The following DNAJA1 variants were observed in gnomAD, a reference collection of about 807,000 sequenced individuals.
DNAJA1 encodes the protein DnaJ heat shock protein family (Hsp40) member A1, also known as dnaJ homolog subfamily A member 1.
Under a neutral mutation model 47.6 loss-of-function variants are expected in DNAJA1, and 26 were observed. The observed-to-expected ratio is 0.55, with a 90% confidence interval of 0.40 to 0.76. DNAJA1 has a LOEUF of 0.76. Among genes scored for constraint, DNAJA1 ranks in the 30% least tolerant of loss-of-function variants. DNAJA1 has a pLI of 0.00. For missense variants in DNAJA1, 315 were observed against 485.0 expected, an observed-to-expected ratio of 0.65 and a Z score of 3.29; for synonymous variants, 165 against 158.4, an observed-to-expected ratio of 1.04 and a Z score of -0.31.
intron 1 of DNAJA1, among the ~76,000 whole-genome samples, 178 bp from the exon 2 acceptor site, chr9:33,026,296 GT>G (rs1838846668): frequency 6.6e-6 from 1 of 152,196 alleles, no homozygotes; most frequent in Admixed American, 6.5e-5. Context: ...ATGATTATTT[GT>G]TTTGTCTGTT....
intron 8 of DNAJA1, 193 bp downstream of exon 8, chr9:33,037,308 T>C: frequency 5.5e-6 from 2 of 364,084 alleles, no homozygotes; most frequent in Non-Finnish European, 9.7e-6. Flanking sequence ...CCCTGTCTCT[T>C]TAAAAAAACA....
chr9:33,039,067 T>G lies in DNAJA1; in HGVS notation c.*164T>G. ...AGAATAAACGCAAATATAAAAGCTC[T>G]GATTTTGCCCTGTATGTATGATGAC... On this transcript the variant is annotated 3_prime_UTR_variant, in exon 9 of 9. Transcript: ENST00000330899. 1.4e-6 allele frequency: 1 copy of G among 706,646 alleles called. No homozygotes were observed. Among genetic ancestry groups the G allele is most frequent in the Non-Finnish European group, 2.3e-6 (1 of 435,290 alleles). The allele number at this position is 706,646 out of a possible 1,614,324, so 43.8% of individuals were successfully genotyped here. A position where few individuals can be genotyped will look rare whatever the true frequency, so the allele number is the denominator to read the frequency against.
rs201185136 is a variant in DNAJA1 at position 33,030,625 on chromosome 9, A to T, written c.601A>T (p.Ile201Leu). 2 of 1,613,936 alleles carry T rather than the reference A, an allele frequency of 1.2e-6. No individual in the cohort carries two copies. Among genetic ancestry groups the T allele is most frequent in the Admixed American group, 1.7e-5 (1 of 59,998 alleles). Reference protein sequence around the residue: ...DRCKSCNGRKIVREKKILEVH... With the variant: ...DRCKSCNGRKLVREKKILEVH... ...ATGTAAAAGCTGCAACGGAAGGAAG[A>T]TAGTTCGAGAGAAGAAAATTTTAGA... Residue 201 changes from isoleucine to leucine, a missense_variant, in exon 5 of 9, where the codon ATA becomes TTA. By Grantham distance (5) the Ile-to-Leu change is conservative. This residue lies in a region of DNAJA1 where 45 missense variants were observed against 93.3 expected (regional missense o/e 0.48). Coordinates refer to ENST00000330899, the MANE Select transcript of DNAJA1 (RefSeq NM_001539.4).
At chr9:33,034,154 T>C (rs2119390901) in intron 5 of DNAJA1, 62 bp from the exon 6 acceptor site, 2 of 1,181,036 alleles carry the variant, frequency 1.7e-6, no homozygotes, top group South Asian at 3.0e-5. Flanking sequence ...ATGTATAGAT[T>C]TTATGATTCT....
At position 33,026,575 on chromosome 9, in the gene DNAJA1, T is replaced by C; in HGVS notation, c.91T>C (p.Leu31=). The change falls in exon 2 of 9, where the codon TTG becomes CTG. Residue 31 remains leucine (L), a synonymous_variant. Coordinates refer to ENST00000330899, the MANE Select transcript of DNAJA1 (RefSeq NM_001539.4). ...GAAAAAGGCTTATAGGAAACTGGCT[T>C]TGAAGTACCATCCTGATAAGAACCC... is the stretch of plus-strand genomic sequence containing the variant. ...ELKKAYRKLA[L]KYHPDKNPNE... The C allele has an allele frequency of 6.2e-7, 1 of 1,611,510 alleles. No homozygotes were observed. Among genetic ancestry groups the C allele is most frequent in the South Asian group, 1.1e-5 (1 of 90,350 alleles).
Position 33,038,538 on chromosome 9 carries a change from C to A in DNAJA1, c.976-147C>A, listed in dbSNP as rs1213295475. ...AGTTCAGAGTGTGCTATGCACTGTG[C>A]CTTTTTAGAGCCTGTTCTAACCTGA... On this transcript the variant is annotated intron_variant, in intron 8 of 8. Transcript: ENST00000330899. The A allele has an allele frequency of 8.9e-6, 6 of 672,252 alleles. No homozygotes were observed. The Admixed American group carries it at 1.4e-4, about 16-fold the overall frequency. 41.6% of individuals were successfully genotyped at this position (672,252 alleles called of 1,614,324 possible).
intron 5 of DNAJA1, among the ~76,000 whole-genome samples, chr9:33,033,490 T>C (rs975067033): frequency 2.0e-5 from 3 of 151,728 alleles, no homozygotes; most frequent in Admixed American, 2.0e-4. Flanking sequence ...TTGAGCCCAG[T>C]AGTTCAAGAC....
rs1554679380 is a variant in DNAJA1 at position 33,039,549 on chromosome 9, A to ATATGTGAATTATAT, written c.*649_*650insGTGAATTATATTAT. ...TGCTGTGCCATTCATATATATATAC[A>ATATGTGAATTATAT]TATATATATATAATCTTGACCAGTC... On this transcript the variant is annotated 3_prime_UTR_variant, in exon 9 of 9. Transcript: ENST00000330899. The ATATGTGAATTATAT allele has an allele frequency of 7.2e-6, 1 of 138,730 alleles. No individual in the cohort carries two copies. Among genetic ancestry groups the ATATGTGAATTATAT allele is most frequent in the Non-Finnish European group, 1.6e-5 (1 of 61,924 alleles). 8.6% of individuals were successfully genotyped at this position (138,730 alleles called of 1,614,324 possible). A position where few individuals can be genotyped will look rare whatever the true frequency, so the allele number is the denominator to read the frequency against.
chr9:33,032,781 TACG>T (rs1421811958), intron 5 of DNAJA1, among the ~76,000 whole-genome samples: 1 of 152,170 alleles, frequency 6.6e-6, no homozygotes, highest in Non-Finnish European at 1.5e-5. Flanking sequence ...ATTTAAGAGG[TACG>T]TACTGAAGTA....
Position 33,039,555 on chromosome 9 carries a change from A to G in DNAJA1, c.*652A>G, listed in dbSNP as rs562122994. The G allele has an allele frequency of 7.0e-6, 1 of 143,788 alleles. No individual in the cohort carries two copies. The highest frequency in any genetic ancestry group is 2.1e-4 in the South Asian group (1 of 4,706). 8.9% of individuals were successfully genotyped at this position (143,788 alleles called of 1,614,324 possible). On this transcript the variant is annotated 3_prime_UTR_variant, in exon 9 of 9. Coordinates refer to ENST00000330899, the MANE Select transcript of DNAJA1 (RefSeq NM_001539.4). ...GCCATTCATATATATATACATATAT[A>G]TATATAATCTTGACCAGTCCTGGTC...
Position 33,026,840 on chromosome 9 carries a change from G to A in DNAJA1, c.160G>A (p.Val54Ile), listed in dbSNP as rs757089471. 5.6e-6 allele frequency: 9 copies of A among 1,613,948 alleles called. No homozygotes were observed. The Admixed American group carries it at 1.2e-4, about 21-fold the overall frequency. The change falls in exon 3 of 9, where the codon GTT becomes ATT. Residue 54 changes from valine to isoleucine, a missense_variant. This residue lies in a region of DNAJA1 where 100 missense variants were observed against 163.0 expected (regional missense o/e 0.61). Coordinates refer to ENST00000330899, the MANE Select transcript of DNAJA1 (RefSeq NM_001539.4). ...KFKQISQAYE[V>I]LSDAKKRELY... Reference sequence around the variant, plus strand: ...TAAACAGATTTCTCAAGCTTACGAAGTTCTCTCTGATGCAAAGAAAAGGGA... The same window carrying A: ...TAAACAGATTTCTCAAGCTTACGAAATTCTCTCTGATGCAAAGAAAAGGGA...
intron 5 of DNAJA1, among the ~76,000 whole-genome samples, chr9:33,031,189 C>T (rs1208635040): frequency 6.6e-5 from 10 of 152,168 alleles, no homozygotes; most frequent in African/African-American, 2.2e-4. Context: ...CTCTGCCTCC[C>T]GGGTTCAAGC....
intron 5 of DNAJA1, 96 bp downstream of exon 5, chr9:33,030,763 A>T (rs1351383525): frequency 3.8e-6 from 4 of 1,047,612 alleles, no homozygotes; most frequent in South Asian, 1.7e-5. Flanking sequence ...TAATTAGGTT[A>T]TATATGATCC....
At chr9:33,037,321 A>C (rs7048791) in intron 8 of DNAJA1, 10,529 of 340,868 alleles carry the variant, frequency 0.031, 247 homozygotes, top group African/African-American at 0.077. Flanking sequence ...AAAAAACAAA[A>C]AAAAAAAAAA....
intron 3 of DNAJA1, among the ~76,000 whole-genome samples, chr9:33,027,949 C>G (rs1331818755): frequency 2.1e-5 from 3 of 144,156 alleles, no homozygotes; most frequent in Non-Finnish European, 4.5e-5. Flanking sequence ...CGCTTGAACC[C>G]GGGAGGTGGA....
At chr9:33,028,378 C>CA (rs1324700754) in intron 3 of DNAJA1, among the ~76,000 whole-genome samples, 2 of 152,216 alleles carry the variant, frequency 1.3e-5, no homozygotes, top group Non-Finnish European at 2.9e-5. Flanking sequence ...AAATCAGTCT[C>CA]ACTTTATTTC....
Position 33,038,821 on chromosome 9 carries a change from A to G in DNAJA1, c.1112A>G (p.Glu371Gly). Residue 371 changes from glutamate (E) to glycine (G), a missense_variant, in exon 9 of 9, where the codon GAA (glutamate) becomes GGA (glycine). This residue lies in a region of DNAJA1 where 162 missense variants were observed against 185.4 expected (regional missense o/e 0.87). Transcript: ENST00000330899. ...VELVDFDPNQ[E>G]RRRHYNGEAY... ...CTGGTGGACTTTGATCCAAATCAGG[A>G]AAGACGGCGCCACTACAATGGAGAA... 6.2e-7 allele frequency: 1 copy of G among 1,614,150 alleles called. No individual in the cohort carries two copies.
At chr9:33,030,811 A>G (rs1838949121) in intron 5 of DNAJA1, 144 bp downstream of exon 5, 1 of 740,336 alleles carries the variant, frequency 1.4e-6, no homozygotes, top group Non-Finnish European at 2.1e-6. Flanking sequence ...TTAGTAAATA[A>G]TGTTCTTTTA....
chr9:33,036,952 A>C lies in DNAJA1; in HGVS notation c.875-63A>C. 11 of 1,438,116 alleles carry C rather than the reference A, an allele frequency of 7.6e-6. No individual in the cohort carries two copies. In the South Asian group the frequency reaches 1.4e-4, roughly 18 times the overall value. 89.1% of individuals were successfully genotyped at this position (1,438,116 alleles called of 1,614,324 possible). ...GAGCTAGGACAGTGCTCTGTTCTTT[A>C]TATTCCCTGCCTCATAAAAATGTGA... is the stretch of plus-strand genomic sequence containing the variant. On this transcript the variant is annotated intron_variant, in intron 7 of 8. Transcript: ENST00000330899.
Sources: allele counts gnomAD v4.1 joint callset (sites outside exome capture counted in the v4.1 genomes callset), GRCh38; gene constraint gnomAD v4.1.1; regional missense constraint gnomAD v4.1.1; transcripts MANE v1.5; gene names NCBI Gene and HGNC (gene_info 2026-07-23, HGNC 2026-07-21).